OLFM1: variants seen among roughly 807,000 people sequenced by gnomAD.
OLFM1 encodes the protein noelin.
Under a neutral mutation model 49.7 loss-of-function variants are expected in OLFM1, and 9 were observed. The ratio of observed to expected loss-of-function variants is 0.18; its 90% CI spans 0.11 to 0.32. OLFM1 has a LOEUF of 0.32. Among genes scored for constraint, OLFM1 ranks in the 10% least tolerant of loss-of-function variants. The pLI, the probability that OLFM1 is intolerant of heterozygous loss-of-function variation, is 1.00. For missense variants in OLFM1, 369 were observed against 661.8 expected, an observed-to-expected ratio of 0.56 and a Z score of 4.85; for synonymous variants, 240 against 271.8, an observed-to-expected ratio of 0.88 and a Z score of 1.15.
At chr9:135,106,046 T>G (rs1018534435) in intron 4 of OLFM1, 1 of 152,256 alleles carries the variant, frequency 6.6e-6, no homozygotes, top group Non-Finnish European at 1.5e-5. Flanking sequence ...CCTCCTCACC[T>G]CCATGGTCCT....
At chr9:135,079,865 A>G (rs1830511572) in intron 1 of OLFM1, among the ~76,000 whole-genome samples, 2 of 152,054 alleles carry the variant, frequency 1.3e-5, no homozygotes. Flanking sequence ...CTTGAGTGGC[A>G]ACCGTCACTG....
intron 2 of OLFM1, 133 bp downstream of exon 2, chr9:135,090,477 G>A: frequency 2.2e-6 from 2 of 893,674 alleles, no homozygotes; most frequent in Non-Finnish European, 3.4e-6. Flanking sequence ...CTCTTTCCTG[G>A]TTTGTCTCCA....
chr9:135,093,006 C>T (rs988454788), intron 2 of OLFM1, among the ~76,000 whole-genome samples: 2 of 152,206 alleles, frequency 1.3e-5, no homozygotes, highest in African/African-American at 4.8e-5. Flanking sequence ...GCTCCAGAAA[C>T]CTCAGCCCAT....
chr9:135,078,661 G>A (rs945052725), intron 1 of OLFM1, among the ~76,000 whole-genome samples: 2 of 152,252 alleles, frequency 1.3e-5, no homozygotes, highest in African/African-American at 4.8e-5. Context: ...AGCTTCCGGG[G>A]CAGGGTCCAG....
intron 4 of OLFM1, chr9:135,106,054 CCT>C (rs2119128944): frequency 6.6e-6 from 1 of 152,532 alleles, no homozygotes; most frequent in Admixed American, 6.5e-5. Flanking sequence ...CCTCCATGGT[CCT>C]CTGTGAGACG....
At chr9:135,100,712 C>G (rs1403314411) in intron 4 of OLFM1, among the ~76,000 whole-genome samples, 1 of 152,212 alleles carries the variant, frequency 6.6e-6, no homozygotes, top group East Asian at 1.9e-4. Flanking sequence ...TTTCCCCTCT[C>G]GAGTTTCAGC....
chr9:135,093,720 A>G (rs953126982), intron 2 of OLFM1, among the ~76,000 whole-genome samples: 2 of 152,128 alleles, frequency 1.3e-5, no homozygotes, highest in African/African-American at 4.8e-5. Context: ...AAGAAAATGA[A>G]GGTGCTCAGA....
intron 5 of OLFM1, among the ~76,000 whole-genome samples, chr9:135,116,666 A>G (rs370781781): frequency 1.3e-5 from 2 of 152,070 alleles, no homozygotes; most frequent in South Asian, 4.2e-4. Flanking sequence ...ATGGTATTAG[A>G]TGTGAGTTTC....
intron 4 of OLFM1, among the ~76,000 whole-genome samples, chr9:135,099,886 C>G (rs1409419630): frequency 6.6e-6 from 1 of 152,028 alleles, no homozygotes; most frequent in Non-Finnish European, 1.5e-5. Flanking sequence ...GAGTGTTTGA[C>G]TTTCTAGGAG....
chr9:135,117,594 G>A lies in OLFM1; in HGVS notation c.784-1910G>A, dbSNP rs183843676. ...CTAGGCCAGGTGGCTGTGCCCCTTC[G>A]AAGGCCCCCTTCAGCCCTGGGTTCT... On this transcript the variant is annotated intron_variant, in intron 5 of 5. Coordinates refer to ENST00000371793, the MANE Select transcript of OLFM1 (RefSeq NM_001282611.2). This position sits in a 1 kb window ranked among gnomAD's most constrained non-coding sequence, Gnocchi z 5.5. Among the ~76,000 whole-genome samples the A allele has an allele frequency of 1.3e-5, 2 of 152,314 alleles. No individual in the cohort carries two copies. Among genetic ancestry groups the A allele is most frequent in the African/African-American group, 4.8e-5 (2 of 41,566 alleles).
intron 2 of OLFM1, chr9:135,095,334 C>G (rs1761540723): frequency 1.3e-5 from 2 of 152,726 alleles, no homozygotes; most frequent in Admixed American, 6.5e-5. Flanking sequence ...TGTTCCTTCA[C>G]TCTGCACTTA....
chr9:135,103,920 G>A (rs1330495783), intron 4 of OLFM1, among the ~76,000 whole-genome samples: 5 of 152,222 alleles, frequency 3.3e-5, no homozygotes, highest in Non-Finnish European at 7.3e-5. Context: ...CCAGGGAAGA[G>A]GGTCACCCTC....
rs11788385 is a variant in OLFM1 at position 135,113,570 on chromosome 9, C to T, written c.784-5934C>T. Among the ~76,000 whole-genome samples the T allele has an allele frequency of 0.21, 32,331 of 152,064 alleles. 3,569 individuals carry two copies. Among genetic ancestry groups the T allele is most frequent in the Middle Eastern group, 0.29 (85 of 292 alleles). The stretch of plus-strand genomic sequence containing the variant: ...CTCGCTGGAGACTGGCGGTGGCTGG[C>T]GGTGGAGGCGCTTCTTGGTGCCGCA... On this transcript the variant is annotated intron_variant, in intron 5 of 5. Transcript: ENST00000371793. The surrounding 1 kb of genome is among the most constrained non-coding windows in gnomAD (Gnocchi z 4.0).
Position 135,090,178 on chromosome 9 carries a change from G to T in OLFM1, c.151-17G>T, listed in dbSNP as rs367890302. On this transcript the variant is annotated splice_polypyrimidine_tract_variant and intron_variant, in intron 1 of 5. Coordinates refer to ENST00000371793, the MANE Select transcript of OLFM1 (RefSeq NM_001282611.2). ...TTTCTCTCCTTCCCTCTCCCTTCCC[G>T]CCCCGCCCCTCTCCAGGTGCTGCCC... 3 of 1,581,802 alleles carry T rather than the reference G, an allele frequency of 1.9e-6. No individual in the cohort carries two copies. Among genetic ancestry groups the T allele is most frequent in the South Asian group, 1.1e-5 (1 of 89,332 alleles).
intron 2 of OLFM1, among the ~76,000 whole-genome samples, chr9:135,094,742 T>C (rs565076658): frequency 1.1e-3 from 160 of 152,328 alleles, no homozygotes; most frequent in Non-Finnish European, 1.9e-3. Flanking sequence ...TTTTACTTTA[T>C]TTGGCGGGGT....
At chr9:135,112,738 C>T (rs894845363) in intron 5 of OLFM1, among the ~76,000 whole-genome samples, 51 of 152,200 alleles carry the variant, frequency 3.4e-4, no homozygotes, top group African/African-American at 1.1e-3. Context: ...GTGTGGACAC[C>T]GTGGTGTCCT....
chr9:135,120,557 G>T lies in OLFM1; in HGVS notation c.*379G>T. On this transcript the variant is annotated 3_prime_UTR_variant, in exon 6 of 6. Coordinates refer to ENST00000371793, the MANE Select transcript of OLFM1 (RefSeq NM_001282611.2). Reference sequence around the variant, plus strand: ...TCCTTAGATCGTGGTCAGCTCCGAGGAATGTGGCGTCCAGGCTCTTTGAGA... The same window carrying T: ...TCCTTAGATCGTGGTCAGCTCCGAGTAATGTGGCGTCCAGGCTCTTTGAGA... 4.3e-6 allele frequency: 1 copy of T among 232,134 alleles called. No individual in the cohort carries two copies. Among genetic ancestry groups the T allele is most frequent in the Non-Finnish European group, 8.4e-6 (1 of 119,054 alleles). The allele number at this position is 232,134 out of a possible 1,614,324, so 14.4% of individuals were successfully genotyped here. A position where few individuals can be genotyped will look rare whatever the true frequency, so the allele number is the denominator to read the frequency against.
At chr9:135,106,659 G>A in intron 4 of OLFM1, 90 bp from the exon 5 acceptor site, 1 of 912,152 alleles carries the variant, frequency 1.1e-6, no homozygotes, top group Non-Finnish European at 1.7e-6. Context: ...CCGCCACATG[G>A]CACGTGTGCT....
chr9:135,076,222 G>A, intron 1 of OLFM1: 1 of 1,550,606 alleles, frequency 6.4e-7, no homozygotes, highest in Non-Finnish European at 8.7e-7. Flanking sequence ...ACACACCCCT[G>A]AGTGGCTCAT....
Sources: gnomAD v4.1 joint callset for allele counts (sites outside exome capture counted in the v4.1 genomes callset) on GRCh38, gnomAD v4.1.1 for gene constraint, Gnocchi (gnomAD v3.1) non-coding constraint, MANE v1.5 for transcripts, NCBI Gene and HGNC (gene_info 2026-07-23, HGNC 2026-07-21) for gene names.